EIF2D: variants seen among roughly 807,000 people sequenced by gnomAD.
EIF2D encodes hepatocellular carcinoma-associated antigen 56.
A neutral mutation model predicts 77.4 loss-of-function variants in EIF2D; 56 were observed. That is an observed-to-expected ratio of 0.72 (90% CI 0.58 to 0.90). The LOEUF (loss-of-function observed/expected upper bound fraction) is 0.90. Ranked by LOEUF, EIF2D falls within the 40% of genes least tolerant of loss-of-function variation. The probability of loss-of-function intolerance (pLI) is 0.00; values close to 1 mark genes in which losing one functional copy is unlikely to be tolerated. For missense variants in EIF2D, 574 were observed against 706.5 expected, an observed-to-expected ratio of 0.81 and a Z score of 2.13; for synonymous variants, 230 against 271.0, an observed-to-expected ratio of 0.85 and a Z score of 1.49.
In EIF2D at chr1:206,581,326, G is replaced by A. The variant is rs1553406267; in HGVS notation, c.139-164C>T. Among the ~76,000 whole-genome samples, 9 of 152,132 alleles carry A rather than the reference G, an allele frequency of 5.9e-5. 1 individual carries two copies. Among genetic ancestry groups the A allele is most frequent in the South Asian group, 2.1e-4 (1 of 4,828 alleles). The stretch of plus-strand genomic sequence containing the variant: ...AAAGAGGATGTCAGAAGCTGGGTGC[G>A]GTGGCTCACACCTGTAATGCCAGCA... On this transcript the variant is annotated intron_variant and NMD_transcript_variant, in intron 2 of 5. Transcript: ENST00000472709.
intron 13 of EIF2D, 146 bp downstream of exon 13, chr1:206,595,572 C>T: frequency 1.0e-6 from 1 of 1,003,752 alleles, no homozygotes; most frequent in South Asian, 1.8e-5. Flanking sequence ...CAGAGCCCAG[C>T]CCAGGCACAT....
chr1:206,608,196 C>G (rs529336030), intron 4 of EIF2D, 40 bp downstream of exon 4: 2 of 1,571,028 alleles, frequency 1.3e-6, no homozygotes, highest in Admixed American at 1.8e-5. Flanking sequence ...CTCTTTTACA[C>G]AAGTTTTTCC....
intron 4 of EIF2D, among the ~76,000 whole-genome samples, chr1:206,580,414 C>A (rs577630407): frequency 3.9e-5 from 6 of 152,300 alleles, no homozygotes; most frequent in African/African-American, 1.4e-4. Context: ...CAATAGCCTA[C>A]ATGCGTCAGA....
intron 4 of EIF2D, chr1:206,572,712 G>T (rs1337209058): frequency 1.3e-5 from 2 of 151,954 alleles, no homozygotes; most frequent in Non-Finnish European, 2.9e-5. Context: ...TTAAAATCAT[G>T]AGAAAAAAAA....
intron 5 of EIF2D, 43 bp from the exon 6 acceptor site, chr1:206,603,247 T>C (rs782067395): frequency 1.0e-5 from 16 of 1,600,368 alleles, no homozygotes; most frequent in Non-Finnish European, 1.3e-5. Context: ...GCAGCTCCAA[T>C]ACTCTCCAGC....
At chr1:206,574,917 T>G (rs1477655678) in intron 4 of EIF2D, among the ~76,000 whole-genome samples, 2 of 144,762 alleles carry the variant, frequency 1.4e-5, no homozygotes, top group Non-Finnish European at 1.5e-5. Flanking sequence ...TGGAGTGCAG[T>G]GGCGCAATCT....
chr1:206,576,390 C>A (rs1202406912), intron 4 of EIF2D, among the ~76,000 whole-genome samples: 5 of 152,232 alleles, frequency 3.3e-5, no homozygotes, highest in Non-Finnish European at 7.3e-5. Context: ...TCCATCCCTA[C>A]CCCAGCCAGC....
intron 13 of EIF2D, 62 bp downstream of exon 13, chr1:206,595,656 G>T: frequency 6.3e-7 from 1 of 1,580,644 alleles, no homozygotes; most frequent in South Asian, 1.1e-5. Context: ...ACATTAGGGA[G>T]ACCAGAACTT....
At chr1:206,583,057 A>G in intron 2 of EIF2D, 1 of 503,416 alleles carries the variant, frequency 2.0e-6, no homozygotes, top group Non-Finnish European at 3.6e-6. Context: ...GCTTAGAGAA[A>G]TCTGAGTTAC....
At chr1:206,604,211 G>A (rs1382679401) in intron 5 of EIF2D, among the ~76,000 whole-genome samples, 2 of 152,178 alleles carry the variant, frequency 1.3e-5, no homozygotes, top group African/African-American at 4.8e-5. Flanking sequence ...GGGAGGCCTA[G>A]ATGGGCAGAT....
rs568185883 is a variant in EIF2D, at chr1:206,610,879, C to T, written c.247+305G>A. ...AGACCTCTGCTCTATTCCTAGTCAA[C>T]CCACTGTAAACTTCTCAGCCACTGT... is the stretch of plus-strand genomic sequence containing the variant. On this transcript the variant is annotated intron_variant, in intron 2 of 14. Transcript: ENST00000271764. 1.6e-3 allele frequency among the ~76,000 whole-genome samples: 241 copies of T among 152,298 alleles called. 1 individual carries two copies. Among genetic ancestry groups the T allele is most frequent in the African/African-American group, 5.2e-3 (218 of 41,578 alleles).
intron 4 of EIF2D, among the ~76,000 whole-genome samples, chr1:206,575,797 G>T (rs576572165): frequency 6.6e-6 from 1 of 152,224 alleles, no homozygotes; most frequent in Non-Finnish European, 1.5e-5. Context: ...GACGTCACAG[G>T]TCATTTGATG....
At position 206,586,139 on chromosome 1, in the gene EIF2D, C is replaced by G. The variant is rs539782361; in HGVS notation, c.139-4977G>C. On this transcript the variant is annotated intron_variant and NMD_transcript_variant, in intron 2 of 5. Coordinates refer to the EIF2D transcript ENST00000472709. ...CCTTCCCTGTGTGGACTTGAGGTTT[C>G]TCACTTATCCATAGCGAGGACCAAA... is the stretch of plus-strand genomic sequence containing the variant. 7 of 152,406 alleles carry G rather than the reference C, an allele frequency of 4.6e-5. No homozygotes were observed. The East Asian group carries it at 1.4e-3, about 29-fold the overall frequency. 9.4% of individuals were successfully genotyped at this position (152,406 alleles called of 1,614,324 possible). A position where few individuals can be genotyped will look rare whatever the true frequency, so the allele number is the denominator to read the frequency against.
chr1:206,611,462 A>G (rs1670495412), intron 1 of EIF2D, 88 bp from the exon 2 acceptor site: 2 of 1,083,970 alleles, frequency 1.8e-6, no homozygotes, highest in South Asian at 3.2e-5. Flanking sequence ...TCACTATAAA[A>G]TCACAAGGGC....
Position 206,584,823 on chromosome 1 carries a change from C to G in EIF2D, c.139-3661G>C. ...GGGGTCCAGCTGCCCATGTGGTGTT[C>G]AGATCTGTGGAATCCGGGCAGGGAG... On this transcript the variant is annotated intron_variant and NMD_transcript_variant, in intron 2 of 5. Transcript: ENST00000472709. This position sits in a 1 kb window ranked among gnomAD's most constrained non-coding sequence, Gnocchi z 4.9. The G allele has an allele frequency of 1.1e-6, 1 of 895,532 alleles. No individual in the cohort carries two copies. The highest frequency in any genetic ancestry group is 1.7e-6 in the Non-Finnish European group (1 of 588,112). The allele number at this position is 895,532 out of a possible 1,614,324, so 55.5% of individuals were successfully genotyped here.
chr1:206,599,775 T>C lies in EIF2D; in HGVS notation c.1010A>G (p.Lys337Arg), dbSNP rs1553410915. 1 of 1,614,124 alleles carries C rather than the reference T, an allele frequency of 6.2e-7. No individual in the cohort carries two copies. The highest frequency in any genetic ancestry group is 1.7e-5 in the Admixed American group (1 of 60,028). Residue 337 changes from lysine to arginine, a missense_variant, in exon 9 of 15, where the codon AAA (lysine) becomes AGA (arginine). Lys to Arg is a conservative substitution (Grantham distance 26). Coordinates refer to ENST00000271764, the MANE Select transcript of EIF2D (RefSeq NM_006893.3). This position sits in a 1 kb window ranked among gnomAD's most constrained non-coding sequence, Gnocchi z 4.1. ...CACAGCCACAATGCTCTCCACCCCT[T>C]TGCTCAGCTCCTTCACCTGTATAAT... is the stretch of plus-strand genomic sequence containing the variant. Reference protein sequence around the residue: ...EQIIQVKELSKGVESIVAVDW... With the variant: ...EQIIQVKELSRGVESIVAVDW...
At chr1:206,582,123 A>T (rs1014089999) in intron 2 of EIF2D, among the ~76,000 whole-genome samples, 3 of 152,174 alleles carry the variant, frequency 2.0e-5, no homozygotes, top group Non-Finnish European at 4.4e-5. Flanking sequence ...CCAGCCACTC[A>T]GGGACAGTGT....
chr1:206,602,547 CT>C, intron 6 of EIF2D, 94 bp from the exon 7 acceptor site: 1 of 1,133,248 alleles, frequency 8.8e-7, no homozygotes, highest in Admixed American at 1.8e-5. Context: ...ACCTCACCCA[CT>C]TGGCTCTGAA....
chr1:206,611,772 A>C (rs1670508098), intron 1 of EIF2D, among the ~76,000 whole-genome samples: 1 of 152,234 alleles, frequency 6.6e-6, no homozygotes, highest in Admixed American at 6.5e-5. Flanking sequence ...ACTATAAAGC[A>C]CTGGTTACAA....
Sources: gnomAD v4.1 joint callset for allele counts (sites outside exome capture counted in the v4.1 genomes callset) on GRCh38, gnomAD v4.1.1 for gene constraint, Gnocchi (gnomAD v3.1) non-coding constraint, MANE v1.5 for transcripts, NCBI Gene and HGNC (gene_info 2026-07-23, HGNC 2026-07-21) for gene names.